PCED1A: variants seen among roughly 807,000 people sequenced by gnomAD.
The protein encoded by PCED1A is PC-esterase domain-containing protein 1A.
In PCED1A, 20 loss-of-function variants were observed where a neutral mutation model predicts 41.9. The ratio of observed to expected loss-of-function variants is 0.48; its 90% CI spans 0.34 to 0.69. The LOEUF is 0.69. PCED1A is among the 30% of genes least tolerant of loss of function. PCED1A has a pLI of 0.01. For missense variants in PCED1A, 498 were observed against 602.1 expected, an observed-to-expected ratio of 0.83 and a Z score of 1.81; for synonymous variants, 236 against 241.3, an observed-to-expected ratio of 0.98 and a Z score of 0.20.
In PCED1A at chr20:2,836,594, G is replaced by A. The variant is rs571983641; in HGVS notation, c.842-280C>T. Reference sequence around the variant, plus strand: ...AGGTCTTGTATCTAGCTTTTTCCTCGCCCACCTCCTCCCCATAGACCAGTA... The same window carrying A: ...AGGTCTTGTATCTAGCTTTTTCCTCACCCACCTCCTCCCCATAGACCAGTA... On this transcript the variant is annotated intron_variant, in intron 6 of 7. Coordinates refer to ENST00000360652, the MANE Select transcript of PCED1A (RefSeq NM_022760.6). 8.6e-4 allele frequency among the ~76,000 whole-genome samples: 131 copies of A among 151,900 alleles called. 1 individual carries two copies. The highest frequency in any genetic ancestry group is 2.7e-3 in the African/African-American group (112 of 41,402).
At position 2,838,782 on chromosome 20, in the gene PCED1A, G is replaced by A. The variant is rs1435718587; in HGVS notation, c.444-36C>T. 3 of 1,614,080 alleles carry A rather than the reference G, an allele frequency of 1.9e-6. No homozygotes were observed. Among genetic ancestry groups the A allele is most frequent in the Non-Finnish European group, 2.5e-6 (3 of 1,180,024 alleles). ...ACACACAGGGTGGGCAAGAGCACAA[G>A]GGTGGACTGCCTCAGCCGTACTTCC... On this transcript the variant is annotated intron_variant, in intron 4 of 7. Coordinates refer to ENST00000360652, the MANE Select transcript of PCED1A (RefSeq NM_022760.6). This position sits in a 1 kb window ranked among gnomAD's most constrained non-coding sequence, Gnocchi z 5.8.
At position 2,838,797 on chromosome 20, in the gene PCED1A, G is replaced by T. The variant is rs200026517; in HGVS notation, c.443+47C>A. The T allele has an allele frequency of 6.2e-7, 1 of 1,614,172 alleles. No homozygotes were observed. Among genetic ancestry groups the T allele is most frequent in the East Asian group, 2.2e-5 (1 of 44,868 alleles). On this transcript the variant is annotated intron_variant, in intron 4 of 7. Coordinates refer to ENST00000360652, the MANE Select transcript of PCED1A (RefSeq NM_022760.6). This position sits in a 1 kb window ranked among gnomAD's most constrained non-coding sequence, Gnocchi z 5.8. The stretch of plus-strand genomic sequence containing the variant: ...AAGAGCACAAGGGTGGACTGCCTCA[G>T]CCGTACTTCCAGCCCCAACCAGTAT...
At position 2,838,159 on chromosome 20, in the gene PCED1A, C is replaced by A; in HGVS notation, c.841+73G>T. On this transcript the variant is annotated intron_variant, in intron 6 of 7. Coordinates refer to ENST00000360652, the MANE Select transcript of PCED1A (RefSeq NM_022760.6). The surrounding 1 kb of genome is among the most constrained non-coding windows in gnomAD (Gnocchi z 5.8). Reference sequence around the variant, plus strand: ...TCTACTTCCCTTGAGTGGCTGTGTCCCATTCTGTTTCTGAGCCCTGTCCTC... The same window carrying A: ...TCTACTTCCCTTGAGTGGCTGTGTCACATTCTGTTTCTGAGCCCTGTCCTC... 6.2e-7 allele frequency: 1 copy of A among 1,604,394 alleles called. No homozygotes were observed. The highest frequency in any genetic ancestry group is 1.7e-5 in the Admixed American group (1 of 59,790).
chr20:2,840,995 C>G (rs776030272), upstream of PCED1A: 3 of 639,524 alleles, frequency 4.7e-6, no homozygotes, highest in African/African-American at 5.7e-5. Context: ...GGCAGGGAGC[C>G]GGGCCTTCCC....
At position 2,838,060 on chromosome 20, in the gene PCED1A, T is replaced by G. The variant is rs967053215; in HGVS notation, c.841+172A>C. Reference sequence around the variant, plus strand: ...AAAACTGGAACTTGGACAAGAATATTGCTCCGATGATCTAACCCTCCTCAG... The same window carrying G: ...AAAACTGGAACTTGGACAAGAATATGGCTCCGATGATCTAACCCTCCTCAG... On this transcript the variant is annotated intron_variant, in intron 6 of 7. Transcript: ENST00000360652. This position sits in a 1 kb window ranked among gnomAD's most constrained non-coding sequence, Gnocchi z 5.8. Among the ~76,000 whole-genome samples, 2 of 152,214 alleles carry G rather than the reference T, an allele frequency of 1.3e-5. No individual in the cohort carries two copies. Among genetic ancestry groups the G allele is most frequent in the African/African-American group, 4.8e-5 (2 of 41,452 alleles).
chr20:2,840,838 C>CCCCCCCA, upstream of PCED1A: 1 of 1,520,980 alleles, frequency 6.6e-7, no homozygotes, highest in Middle Eastern at 2.3e-4. Context: ...GTGAGCTGCC[C>CCCCCCCA]CGCCCTCCCG....
At position 2,838,282 on chromosome 20, in the gene PCED1A, T is replaced by TG; in HGVS notation, c.790dup (p.His264ProfsTer4). The TG allele has an allele frequency of 6.2e-7, 1 of 1,614,260 alleles. No individual in the cohort carries two copies. Among genetic ancestry groups the TG allele is most frequent in the Non-Finnish European group, 8.5e-7 (1 of 1,180,050 alleles). On this transcript the variant is annotated frameshift_variant, in exon 6 of 8. Transcript: ENST00000360652. LOFTEE classifies it high-confidence loss of function. This position sits in a 1 kb window ranked among gnomAD's most constrained non-coding sequence, Gnocchi z 5.8. ...CTCCACGCCCCAGGCGTCAGCCACA[T>TG]GGGTCAGAAGCAGGTGTGAGAGGTG...
Position 2,835,399 on chromosome 20 carries a change from C to T in PCED1A, c.*63G>A. 6.5e-7 allele frequency: 1 copy of T among 1,545,148 alleles called. No homozygotes were observed. The highest frequency in any genetic ancestry group is 1.2e-5 in the South Asian group (1 of 80,502). ...GCATAGCAGACACCCTAGCCCAGTA[C>T]CTGAGGTGCCAGGCAGGCCCTGAAG... is the stretch of plus-strand genomic sequence containing the variant. On this transcript the variant is annotated 3_prime_UTR_variant, in exon 8 of 8. Coordinates refer to ENST00000360652, the MANE Select transcript of PCED1A (RefSeq NM_022760.6).
At position 2,836,238 on chromosome 20, in the gene PCED1A, C is replaced by T. The variant is rs754338314; in HGVS notation, c.918G>A (p.Glu306=). 1.4e-5 allele frequency: 23 copies of T among 1,613,956 alleles called. No individual in the cohort carries two copies. In the South Asian group the frequency reaches 2.5e-4, roughly 18 times the overall value. Residue 306 remains glutamate, a synonymous_variant, in exon 7 of 8, where the codon GAG becomes GAA. Transcript: ENST00000360652. The stretch of plus-strand genomic sequence containing the variant: ...GTGGGGGTGGGAGCAAGGCCAGGTG[C>T]TCCCCGAAGTCTGGGGTCTGCCTAT... ...GSHRQTPDFG[E]HLALLPPPPS... is the part of the protein sequence containing the mutation.
chr20:2,840,652 T>G lies in PCED1A; in HGVS notation c.-463A>C, dbSNP rs955381082. On this transcript the variant is annotated 5_prime_UTR_variant, in exon 1 of 8. Transcript: ENST00000360652. ...GGCAGCCAAGTGAGGCTGCCCACAG[T>G]GGTGATGGCCGCGGCGGCGGCCTCG... 1 of 1,093,492 alleles carries G rather than the reference T, an allele frequency of 9.1e-7. No individual in the cohort carries two copies. The highest frequency in any genetic ancestry group is 1.4e-5 in the South Asian group (1 of 73,930). 67.7% of individuals were successfully genotyped at this position (1,093,492 alleles called of 1,614,324 possible).
Position 2,840,565 on chromosome 20 carries a change from G to C in PCED1A, c.-376C>G. On this transcript the variant is annotated 5_prime_UTR_variant, in exon 1 of 8. Transcript: ENST00000360652. ...ATGGAGGTGGCCGCCACAGGGCGCAGGAGCCAGGGCTGGGCCCACTTGGCG... is the reference window on the plus strand; with the variant it reads ...ATGGAGGTGGCCGCCACAGGGCGCACGAGCCAGGGCTGGGCCCACTTGGCG... The C allele has an allele frequency of 1.7e-6, 1 of 591,654 alleles. No homozygotes were observed. The highest frequency in any genetic ancestry group is 3.0e-6 in the Non-Finnish European group (1 of 338,752). The allele number at this position is 591,654 out of a possible 1,614,324, so 36.7% of individuals were successfully genotyped here.
Position 2,838,933 on chromosome 20 carries a change from G to C in PCED1A, c.354C>G (p.Ser118=). Residue 118 remains serine, a synonymous_variant, in exon 4 of 8, where the codon TCC becomes TCG. Coordinates refer to ENST00000360652, the MANE Select transcript of PCED1A (RefSeq NM_022760.6). This position sits in a 1 kb window ranked among gnomAD's most constrained non-coding sequence, Gnocchi z 5.8. ...VRFYFLTRVY[S]EYLEDVLEEL... ...CTTCCAGAACATCCTCAAGGTACTC[G>C]GAGTAAACACGAGTGAGGAAGTAGA... The C allele has an allele frequency of 6.2e-7, 1 of 1,614,056 alleles. No homozygotes were observed. Among genetic ancestry groups the C allele is most frequent in the Non-Finnish European group, 8.5e-7 (1 of 1,180,038 alleles).
At position 2,839,084 on chromosome 20, in the gene PCED1A, T is replaced by TGGGGGG; in HGVS notation, c.205-3_205-2insCCCCCC. ...GTCCTGTTCAAAGCTCAGCTCCCCC[T>TGGGGGG]ACCCACCCCCCCCACCCTACTGGTC... On this transcript the variant is annotated splice_region_variant and splice_polypyrimidine_tract_variant and intron_variant, in intron 3 of 7. Coordinates refer to ENST00000360652, the MANE Select transcript of PCED1A (RefSeq NM_022760.6). 1.4e-6 allele frequency: 1 copy of TGGGGGG among 725,120 alleles called. No individual in the cohort carries two copies. The highest frequency in any genetic ancestry group is 1.9e-6 in the Non-Finnish European group (1 of 522,114). 44.9% of individuals were successfully genotyped at this position (725,120 alleles called of 1,614,324 possible). A position where few individuals can be genotyped will look rare whatever the true frequency, so the allele number is the denominator to read the frequency against.
Position 2,839,173 on chromosome 20 carries a change from G to A in PCED1A, c.204+19C>T, listed in dbSNP as rs1243843142. The A allele has an allele frequency of 1.9e-6, 3 of 1,608,156 alleles. No individual in the cohort carries two copies. Among genetic ancestry groups the A allele is most frequent in the East Asian group, 2.2e-5 (1 of 44,486 alleles). The stretch of plus-strand genomic sequence containing the variant: ...TCTGTGCCCACCCACCACTGACATG[G>A]CCACCAAGCTTCCCTCACCTTGGCT... On this transcript the variant is annotated intron_variant, in intron 3 of 7. Coordinates refer to ENST00000360652, the MANE Select transcript of PCED1A (RefSeq NM_022760.6).
rs761477125 is a variant in PCED1A, at chr20:2,838,344, A to G, written c.729T>C (p.His243=). The change falls in exon 6 of 8, where the codon CAT becomes CAC. Residue 243 remains histidine (H), a synonymous_variant. Coordinates refer to ENST00000360652, the MANE Select transcript of PCED1A (RefSeq NM_022760.6). The surrounding 1 kb of genome is among the most constrained non-coding windows in gnomAD (Gnocchi z 5.8). ...GCTGGTCCCAGTGGACACCATCCCG[A>G]TGACGGTGCTGTACTGCATGCCGGA... is the stretch of plus-strand genomic sequence containing the variant. The part of the protein sequence containing the change: ...FHFRHAVQHR[H]RDGVHWDQHA... 6.2e-7 allele frequency: 1 copy of G among 1,614,248 alleles called. No individual in the cohort carries two copies. The highest frequency in any genetic ancestry group is 1.7e-5 in the Admixed American group (1 of 60,036).
chr20:2,840,739 C>T (rs1317644871), upstream of PCED1A: 10 of 1,546,620 alleles, frequency 6.5e-6, no homozygotes, highest in Admixed American at 2.0e-5. Context: ...AGGTGGGTGT[C>T]CCCTCGGTGC....
chr20:2,835,496 C>T lies in PCED1A; in HGVS notation c.1331G>A (p.Arg444Gln), dbSNP rs148005639. Residue 444 changes from arginine (R) to glutamine (Q), a missense_variant, in exon 8 of 8, where the codon CGG becomes CAG. By Grantham distance (43) the Arg-to-Gln change is conservative. Around this residue, in one of 2 missense-constraint regions of PCED1A, gnomAD observed 245 missense variants for 232.4 expected, o/e 1.05. Coordinates refer to ENST00000360652, the MANE Select transcript of PCED1A (RefSeq NM_022760.6). The stretch of plus-strand genomic sequence containing the variant: ...CCATGTCCCCGAATGGGCAGGAGGC[C>T]GTCTGTCCAGTTTGTATGTGTGGAT... ...RLIHTYKLDRRPPAHSGTWPG is the reference protein window; with the variant it reads ...RLIHTYKLDRQPPAHSGTWPG 6.2e-6 allele frequency: 10 copies of T among 1,613,258 alleles called. No individual in the cohort carries two copies. In the African/African-American group the frequency reaches 1.1e-4, roughly 17 times the overall value.
chr20:2,839,084 T>TGGGGCCC lies in PCED1A; in HGVS notation c.205-3_205-2insGGGCCCC. ...GTCCTGTTCAAAGCTCAGCTCCCCC[T>TGGGGCCC]ACCCACCCCCCCCACCCTACTGGTC... On this transcript the variant is annotated splice_region_variant and splice_polypyrimidine_tract_variant and intron_variant, in intron 3 of 7. Coordinates refer to ENST00000360652, the MANE Select transcript of PCED1A (RefSeq NM_022760.6). 1 of 725,206 alleles carries TGGGGCCC rather than the reference T, an allele frequency of 1.4e-6. No homozygotes were observed. Among genetic ancestry groups the TGGGGCCC allele is most frequent in the African/African-American group, 4.0e-5 (1 of 24,768 alleles). 44.9% of individuals were successfully genotyped at this position (725,206 alleles called of 1,614,324 possible).
chr20:2,840,835 G>GGGGCCC, upstream of PCED1A: 37 of 1,523,040 alleles, frequency 2.4e-5, no homozygotes, highest in Non-Finnish European at 2.9e-5. Context: ...CCGGTGAGCT[G>GGGGCCC]CCCCGCCCTC....
Sources: allele counts gnomAD v4.1 joint callset (sites outside exome capture counted in the v4.1 genomes callset), GRCh38; gene constraint gnomAD v4.1.1; regional missense constraint gnomAD v4.1.1; non-coding constraint Gnocchi (gnomAD v3.1); transcripts MANE v1.5; gene names NCBI Gene and HGNC (gene_info 2026-07-23, HGNC 2026-07-21).